The following MAPT variants were observed in gnomAD, a reference collection of about 807,000 sequenced individuals.
MAPT encodes microtubule-associated protein tau.
Under a neutral mutation model 67.9 loss-of-function variants are expected in MAPT, and 34 were observed. The observed-to-expected ratio is 0.50, with a 90% CI of 0.38 to 0.67. The LOEUF is 0.67. Among genes scored for constraint, MAPT ranks in the 30% least tolerant of loss-of-function variants. The probability of loss-of-function intolerance (pLI) is 0.00; values close to 1 mark genes in which losing one functional copy is unlikely to be tolerated. For synonymous variants in MAPT, 456 were observed against 464.5 expected (o/e 0.98, Z 0.23); for missense variants, 881 against 1,115.2 (o/e 0.79, Z 2.99).
intron 1 of MAPT, among the ~76,000 whole-genome samples, chr17:45,959,260 C>T (rs2070110518): frequency 6.6e-6 from 1 of 152,174 alleles, no homozygotes; most frequent in African/African-American, 2.4e-5. Flanking sequence ...ACACTTGTTA[C>T]AACCAATGAA....
chr17:45,945,150 C>T (rs902616247), intron 1 of MAPT, among the ~76,000 whole-genome samples: 1 of 152,184 alleles, frequency 6.6e-6, no homozygotes, highest in African/African-American at 2.4e-5. Context: ...CACCCAGTGC[C>T]ACCGAAGGCT....
intron 1 of MAPT, among the ~76,000 whole-genome samples, chr17:45,934,164 C>T (rs930885413): frequency 2.0e-5 from 3 of 151,994 alleles, no homozygotes; most frequent in African/African-American, 7.3e-5. Context: ...GAGTTCAAGA[C>T]CTCGTCTGTA....
Position 46,024,668 on chromosome 17 carries a change from T to G in MAPT, c.*497T>G, listed in dbSNP as rs2076729406. 2 of 139,642 alleles carry G rather than the reference T, an allele frequency of 1.4e-5. No homozygotes were observed. The highest frequency in any genetic ancestry group is 1.0e-4 in the Admixed American group (1 of 9,756). 8.7% of individuals were successfully genotyped at this position (139,642 alleles called of 1,614,324 possible). A position where few individuals can be genotyped will look rare whatever the true frequency, so the allele number is the denominator to read the frequency against. On this transcript the variant is annotated 3_prime_UTR_variant, in exon 13 of 13. Transcript: ENST00000262410. ...ACAGGCAGACGATGTCAACCTTGTGTGAGTGTGACGGGGGTTGGGGTGGGG... is the reference window on the plus strand; with the variant it reads ...ACAGGCAGACGATGTCAACCTTGTGGGAGTGTGACGGGGGTTGGGGTGGGG...
At chr17:45,957,243 A>C (rs541788626) in intron 1 of MAPT, among the ~76,000 whole-genome samples, 3 of 152,124 alleles carry the variant, frequency 2.0e-5, no homozygotes, top group African/African-American at 7.2e-5. Context: ...ATTTCTCCAC[A>C]TCCTCTCCAG....
chr17:45,923,782 G>T (rs529148637), intron 1 of MAPT, among the ~76,000 whole-genome samples: 1 of 152,130 alleles, frequency 6.6e-6, no homozygotes, highest in Non-Finnish European at 1.5e-5. Context: ...GTGAAGTTTC[G>T]TGCACACACT....
intron 1 of MAPT, among the ~76,000 whole-genome samples, chr17:45,912,072 C>T (rs1676512394): frequency 6.6e-6 from 1 of 152,264 alleles, no homozygotes; most frequent in South Asian, 2.1e-4. Flanking sequence ...GTGGACTGGG[C>T]CTCTCCCCAC....
chr17:45,915,865 A>G lies in MAPT; in HGVS notation c.-18+21179A>G, dbSNP rs2065169046. On this transcript the variant is annotated intron_variant, in intron 1 of 12. Coordinates refer to ENST00000262410, the MANE Select transcript of MAPT (RefSeq NM_001377265.1). This position sits in a 1 kb window ranked among gnomAD's most constrained non-coding sequence, Gnocchi z 4.4. The stretch of plus-strand genomic sequence containing the variant: ...TGACTGATGTCATTTGACGATCTTG[A>G]TGCCAAATCCTTTTATATCAAAAAC... Among the ~76,000 whole-genome samples, 1 of 152,114 alleles carries G rather than the reference A, an allele frequency of 6.6e-6. No individual in the cohort carries two copies. The highest frequency in any genetic ancestry group is 1.5e-5 in the Non-Finnish European group (1 of 68,026).
At position 45,996,694 on chromosome 17, in the gene MAPT, TG is replaced by T. The variant is rs760213868; in HGVS notation, c.1998+36del. Reference sequence around the variant, plus strand: ...GAGTGGCTGGCTGCGCGTGGAGGTGTGGGGGGCTGCGCCTGGAGGGGTAGGG... The same window carrying T: ...GAGTGGCTGGCTGCGCGTGGAGGTGTGGGGGCTGCGCCTGGAGGGGTAGGG... On this transcript the variant is annotated intron_variant, in intron 9 of 12. Transcript: ENST00000262410. This position sits in a 1 kb window ranked among gnomAD's most constrained non-coding sequence, Gnocchi z 4.5. 8 of 1,609,474 alleles carry T rather than the reference TG, an allele frequency of 5.0e-6. No individual in the cohort carries two copies. In the Admixed American group the frequency reaches 6.7e-5, roughly 13 times the overall value.
chr17:45,904,610 TG>T (rs2064171389), intron 1 of MAPT, among the ~76,000 whole-genome samples: 1 of 150,950 alleles, frequency 6.6e-6, no homozygotes, highest in Non-Finnish European at 1.5e-5. Context: ...GAGGATCGCT[TG>T]AGCCCAGGAG....
chr17:45,904,783 T>C (rs1440980466), intron 1 of MAPT, among the ~76,000 whole-genome samples: 1 of 152,106 alleles, frequency 6.6e-6, no homozygotes, highest in Admixed American at 6.6e-5. Context: ...TTTTTTATAC[T>C]GGGCTTGCCA....
chr17:45,924,311 G>A (rs191345003), intron 1 of MAPT, among the ~76,000 whole-genome samples: 46 of 152,126 alleles, frequency 3.0e-4, no homozygotes, highest in African/African-American at 9.4e-4. Context: ...AGCCACGTGC[G>A]CTTTAAGTCA....
intron 1 of MAPT, among the ~76,000 whole-genome samples, chr17:45,944,346 A>G (rs1232168361): frequency 6.6e-6 from 1 of 152,170 alleles, no homozygotes; most frequent in Non-Finnish European, 1.5e-5. Flanking sequence ...GTCCTTCAGG[A>G]AGACGTGAAG....
intron 8 of MAPT, among the ~76,000 whole-genome samples, chr17:45,992,734 C>G (rs2074162978): frequency 6.6e-6 from 1 of 151,722 alleles, no homozygotes; most frequent in African/African-American, 2.4e-5. Flanking sequence ...AATAAAAATA[C>G]AAAATAATTA....
intron 1 of MAPT, among the ~76,000 whole-genome samples, chr17:45,940,273 A>C (rs2067736660): frequency 6.6e-6 from 1 of 152,166 alleles, no homozygotes; most frequent in Non-Finnish European, 1.5e-5. Context: ...TGGCTTAAAC[A>C]CTAGCTTTGT....
At chr17:45,943,147 A>G (rs2068145573) in intron 1 of MAPT, among the ~76,000 whole-genome samples, 1 of 152,182 alleles carries the variant, frequency 6.6e-6, no homozygotes, top group Non-Finnish European at 1.5e-5. Context: ...TCCGCCTCCC[A>G]GGTTCAAGCA....
At chr17:45,928,879 G>A (rs1417082522) in intron 1 of MAPT, among the ~76,000 whole-genome samples, 2 of 152,050 alleles carry the variant, frequency 1.3e-5, no homozygotes, top group African/African-American at 4.8e-5. Flanking sequence ...TGTGTTTTTA[G>A]TAGAGATGGG....
intron 1 of MAPT, among the ~76,000 whole-genome samples, chr17:45,946,466 G>A (rs953537563): frequency 1.3e-5 from 2 of 151,454 alleles, no homozygotes; most frequent in South Asian, 4.2e-4. Flanking sequence ...GCCAGGCGTG[G>A]TGGGTGCCTG....
intron 4 of MAPT, chr17:45,979,362 T>C (rs1475096893): frequency 6.6e-6 from 1 of 152,246 alleles, no homozygotes. Context: ...AGCTTCTAGA[T>C]TGCAGAAGGG....
intron 1 of MAPT, among the ~76,000 whole-genome samples, chr17:45,922,132 C>A (rs1024280976): frequency 7.9e-5 from 12 of 152,094 alleles, no homozygotes; most frequent in African/African-American, 2.7e-4. Flanking sequence ...CCTTCCTCAG[C>A]CTCCCAAGTA....
Sources: allele counts gnomAD v4.1 joint callset (sites outside exome capture counted in the v4.1 genomes callset), GRCh38; gene constraint gnomAD v4.1.1; non-coding constraint Gnocchi (gnomAD v3.1); transcripts MANE v1.5; gene names NCBI Gene and HGNC (gene_info 2026-07-23, HGNC 2026-07-21).